ING1: variants seen among roughly 807,000 people sequenced by gnomAD.
The protein encoded by ING1 is inhibitor of growth protein 1.
Under a neutral mutation model 23.1 loss-of-function variants are expected in ING1, and 4 were observed. The ratio of observed to expected loss-of-function variants is 0.17; its 90% CI spans 0.09 to 0.40. The LOEUF (loss-of-function observed/expected upper bound fraction) is 0.40, where lower values mean the gene tolerates loss of function less well. Among genes scored for constraint, ING1 ranks in the 10% least tolerant of loss-of-function variants. The pLI is 1.00. For missense variants in ING1, 256 were observed against 393.8 expected, an observed-to-expected ratio of 0.65 and a Z score of 2.96; for synonymous variants, 179 against 166.4, an observed-to-expected ratio of 1.08 and a Z score of -0.58.
In ING1 at chr13:110,719,746, C is replaced by G. The variant is rs771242725; in HGVS notation, c.654C>G (p.Val218=). 2 of 1,613,810 alleles carry G rather than the reference C, an allele frequency of 1.2e-6. No individual in the cohort carries two copies. Among genetic ancestry groups the G allele is most frequent in the Non-Finnish European group, 1.7e-6 (2 of 1,179,998 alleles). Residue 218 remains valine, a synonymous_variant, in exon 2 of 2, where the codon GTC becomes GTG. Coordinates refer to ENST00000333219, the MANE Select transcript of ING1 (RefSeq NM_198219.3). This position sits in a 1 kb window ranked among gnomAD's most constrained non-coding sequence, Gnocchi z 8.9. ...CCACGTACTGTCTGTGCAACCAGGTCTCCTATGGGGAGATGATCGGCTGCG... is the reference window on the plus strand; with the variant it reads ...CCACGTACTGTCTGTGCAACCAGGTGTCCTATGGGGAGATGATCGGCTGCG... ...NEPTYCLCNQ[V]SYGEMIGCDN...
In ING1 at chr13:110,721,778, GTTGGCCAGTATGGTCTCGAGCTC is replaced by G. The variant is rs2064173643; in HGVS notation, c.*1850_*1872del. 6.6e-6 allele frequency: 1 copy of G among 150,678 alleles called. No homozygotes were observed. Among genetic ancestry groups the G allele is most frequent in the Non-Finnish European group, 1.5e-5 (1 of 67,842 alleles). 9.3% of individuals were successfully genotyped at this position (150,678 alleles called of 1,614,324 possible). A position where few individuals can be genotyped will look rare whatever the true frequency, so the allele number is the denominator to read the frequency against. Reference sequence around the variant, plus strand: ...TTTAGTAGAGATGGGTTTTCACCATGTTGGCCAGTATGGTCTCGAGCTCTTGACCATGATCCGCCCACCTCGGC... The same window carrying G: ...TTTAGTAGAGATGGGTTTTCACCATGTTGACCATGATCCGCCCACCTCGGC... On this transcript the variant is annotated 3_prime_UTR_variant, in exon 2 of 2. Transcript: ENST00000333219.
In ING1 at chr13:110,720,073, GCAGTGA is replaced by G; in HGVS notation, c.*142_*147del. The G allele has an allele frequency of 4.7e-6, 3 of 644,706 alleles. No individual in the cohort carries two copies. Among genetic ancestry groups the G allele is most frequent in the Non-Finnish European group, 7.6e-6 (3 of 392,664 alleles). The allele number at this position is 644,706 out of a possible 1,614,324, so 39.9% of individuals were successfully genotyped here. A position where few individuals can be genotyped will look rare whatever the true frequency, so the allele number is the denominator to read the frequency against. On this transcript the variant is annotated 3_prime_UTR_variant, in exon 2 of 2. Transcript: ENST00000333219. Reference sequence around the variant, plus strand: ...AGGAACCATTCCTTTCATAGGGATGGCAGTGATTCTGTTTGCCTTTTGTTTTCATTG... The same window carrying G: ...AGGAACCATTCCTTTCATAGGGATGGTTCTGTTTGCCTTTTGTTTTCATTG...
chr13:110,715,385 A>C (rs1301663215), intron 1 of ING1: 12 of 1,501,704 alleles, frequency 8.0e-6, no homozygotes, highest in Non-Finnish European at 3.6e-6. Context: ...CGAATTTTAT[A>C]GGAACTTCAT....
chr13:110,716,141 AC>A, intron 1 of ING1: 1 of 924,702 alleles, frequency 1.1e-6, no homozygotes, highest in Non-Finnish European at 1.5e-6. Context: ...AGGGGCTGAG[AC>A]CACTTTGATC....
upstream of ING1, chr13:110,712,751 T>A: frequency 1.4e-6 from 1 of 702,460 alleles, no homozygotes; most frequent in South Asian, 1.5e-5. Context: ...GAGAACGGTG[T>A]CCATGACACA....
Position 110,719,978 on chromosome 13 carries a change from A to T in ING1, c.*46A>T. On this transcript the variant is annotated 3_prime_UTR_variant, in exon 2 of 2. Transcript: ENST00000333219. This position sits in a 1 kb window ranked among gnomAD's most constrained non-coding sequence, Gnocchi z 8.9. ...GTGAGGAGGACAAAATAAACCGTGT[A>T]TTTATTACATTGCTGCCTTTGTTGA... 1 of 1,328,284 alleles carries T rather than the reference A, an allele frequency of 7.5e-7. No individual in the cohort carries two copies. The highest frequency in any genetic ancestry group is 1.0e-6 in the Non-Finnish European group (1 of 966,954). The allele number at this position is 1,328,284 out of a possible 1,614,324, so 82.3% of individuals were successfully genotyped here.
upstream of ING1, chr13:110,713,636 G>C: frequency 5.1e-6 from 5 of 985,012 alleles, no homozygotes; most frequent in Non-Finnish European, 6.0e-6. Flanking sequence ...GGGGGAGGGG[G>C]CCGGGGCGCA....
At chr13:110,715,394 A>G (rs373682334) in intron 1 of ING1, 3 of 1,517,714 alleles carry the variant, frequency 2.0e-6, no homozygotes, top group Non-Finnish European at 1.8e-6. Context: ...TAGGAACTTC[A>G]TTAGCATATT....
intron 1 of ING1, among the ~76,000 whole-genome samples, chr13:110,718,424 TAAC>T (rs1245270485): frequency 2.0e-5 from 3 of 152,128 alleles, no homozygotes; most frequent in Non-Finnish European, 4.4e-5. Flanking sequence ...TCCAAAATAA[TAAC>T]AAGTCGTAAT....
At chr13:110,715,633 C>G (rs1345973262) in intron 1 of ING1, 1 of 1,613,830 alleles carries the variant, frequency 6.2e-7, no homozygotes, top group South Asian at 1.1e-5. Context: ...CGGCCTCCAG[C>G]CTTGGATTGG....
At chr13:110,717,690 G>C (rs1472351522) in intron 1 of ING1, among the ~76,000 whole-genome samples, 1 of 152,160 alleles carries the variant, frequency 6.6e-6, no homozygotes, top group Non-Finnish European at 1.5e-5. Context: ...AGCCGGGCGT[G>C]GTATTACATG....
chr13:110,720,182 T>G lies in ING1; in HGVS notation c.*250T>G, dbSNP rs550600153. 6.3e-5 allele frequency: 20 copies of G among 315,644 alleles called. No homozygotes were observed. In the East Asian group the frequency reaches 1.1e-3, roughly 17 times the overall value. 19.6% of individuals were successfully genotyped at this position (315,644 alleles called of 1,614,324 possible). A position where few individuals can be genotyped will look rare whatever the true frequency, so the allele number is the denominator to read the frequency against. ...ATATAGGTTTGATTCAACACTTAAG[T>G]CTCAGACTGATTTCTTGCGGGAGGA... On this transcript the variant is annotated 3_prime_UTR_variant, in exon 2 of 2. Transcript: ENST00000333219.
intron 1 of ING1, among the ~76,000 whole-genome samples, chr13:110,716,654 C>G (rs1412734376): frequency 6.6e-6 from 1 of 152,220 alleles, no homozygotes; most frequent in Non-Finnish European, 1.5e-5. Flanking sequence ...TTCAGTGCAA[C>G]CCGTATGTAA....
In ING1 at chr13:110,714,004, T is replaced by G; in HGVS notation, c.-146T>G. The G allele has an allele frequency of 3.6e-5, 41 of 1,143,032 alleles. No individual in the cohort carries two copies. The highest frequency in any genetic ancestry group is 3.5e-4 in the East Asian group (8 of 22,776). The allele number at this position is 1,143,032 out of a possible 1,614,324, so 70.8% of individuals were successfully genotyped here. A position where few individuals can be genotyped will look rare whatever the true frequency, so the allele number is the denominator to read the frequency against. ...GGAGGCGGCGGACGGGCTCGGCAGA[T>G]GTAGCCGCCGGGCCGAAGCAGGAGC... On this transcript the variant is annotated 5_prime_UTR_variant, in exon 1 of 2. The change abolishes an upstream ATG in the 5' untranslated region. Transcript: ENST00000333219.
chr13:110,713,727 T>G lies in ING1; in HGVS notation c.-423T>G, dbSNP rs1004323908. 4.1e-6 allele frequency: 4 copies of G among 985,050 alleles called. No individual in the cohort carries two copies. In the Admixed American group the frequency reaches 2.5e-4, roughly 61 times the overall value. 61.0% of individuals were successfully genotyped at this position (985,050 alleles called of 1,614,324 possible). A position where few individuals can be genotyped will look rare whatever the true frequency, so the allele number is the denominator to read the frequency against. On this transcript the variant is annotated 5_prime_UTR_variant, in exon 1 of 2. Transcript: ENST00000333219. The stretch of plus-strand genomic sequence containing the variant: ...GTTTTCCACGTTGGACAAGTGCGGC[T>G]CGGCGGCCAGCGGAGCGCGCCCCTT...
In ING1 at chr13:110,720,195, T is replaced by G. The variant is rs1218748559; in HGVS notation, c.*263T>G. The G allele has an allele frequency of 1.7e-5, 5 of 289,368 alleles. No individual in the cohort carries two copies. Among genetic ancestry groups the G allele is most frequent in the Admixed American group, 5.3e-5 (1 of 18,992 alleles). The allele number at this position is 289,368 out of a possible 1,614,324, so 17.9% of individuals were successfully genotyped here. The stretch of plus-strand genomic sequence containing the variant: ...TCAACACTTAAGTCTCAGACTGATT[T>G]CTTGCGGGAGGAGGGGGACTAAACT... On this transcript the variant is annotated 3_prime_UTR_variant, in exon 2 of 2. Transcript: ENST00000333219.
At chr13:110,712,869 C>A, upstream of ING1, 3 of 1,310,610 alleles carry the variant, frequency 2.3e-6, no homozygotes, top group Non-Finnish European at 3.2e-6. Context: ...TGTCTCCAAG[C>A]CGTTCCAAAC....
At chr13:110,717,592 C>T (rs958782839) in intron 1 of ING1, among the ~76,000 whole-genome samples, 1 of 152,054 alleles carries the variant, frequency 6.6e-6, no homozygotes, top group Admixed American at 6.5e-5. Flanking sequence ...CATGGGAGAC[C>T]GAGGCGGGCG....
At position 110,714,166 on chromosome 13, in the gene ING1, A is replaced by G; in HGVS notation, c.17A>G (p.Asn6Ser). The G allele has an allele frequency of 6.4e-7, 1 of 1,551,098 alleles. No individual in the cohort carries two copies. Among genetic ancestry groups the G allele is most frequent in the Non-Finnish European group, 8.7e-7 (1 of 1,149,560 alleles). ...GGGTGAACCATGTTGAGTCCTGCCA[A>G]CGGGGAGCAGCTCCACCTGGTGAAC... is the stretch of plus-strand genomic sequence containing the variant. MLSPA[N>S]GEQLHLVNYV... The change falls in exon 1 of 2, where the codon AAC (asparagine) becomes AGC (serine). Residue 6 changes from asparagine (N) to serine (S), a missense_variant. Asn to Ser is a conservative substitution (Grantham distance 46). Transcript: ENST00000333219.
Sources: allele counts gnomAD v4.1 joint callset (sites outside exome capture counted in the v4.1 genomes callset), GRCh38; gene constraint gnomAD v4.1.1; non-coding constraint Gnocchi (gnomAD v3.1); transcripts MANE v1.5; gene names NCBI Gene and HGNC (gene_info 2026-07-23, HGNC 2026-07-21).